Variants in SMG6 observed in about 807,000 individuals in gnomAD.
The protein encoded by SMG6 is SMG6 nonsense mediated mRNA decay factor.
A neutral mutation model predicts 142.2 loss-of-function variants in SMG6; 66 were observed. That is an observed-to-expected ratio of 0.46 (90% CI 0.38 to 0.57). The LOEUF is 0.57. SMG6 is among the 20% of genes least tolerant of loss of function. SMG6 has a pLI of 0.00. For synonymous variants in SMG6, 779 were observed against 702.4 expected, an observed-to-expected ratio of 1.11 and a Z score of -1.72; for missense variants, 1,793 against 1,832.0, an observed-to-expected ratio of 0.98 and a Z score of 0.39.
Position 2,186,644 on chromosome 17 carries a change from A to G in SMG6, c.3155+19T>C. The G allele has an allele frequency of 6.2e-7, 1 of 1,613,740 alleles. No homozygotes were observed. Among genetic ancestry groups the G allele is most frequent in the East Asian group, 2.2e-5 (1 of 44,874 alleles). Reference sequence around the variant, plus strand: ...AGGCCCAAGCCAGTGGTGCTGAAGCAATGGGCAGGTCAACTCACTGCGAGG... The same window carrying G: ...AGGCCCAAGCCAGTGGTGCTGAAGCGATGGGCAGGTCAACTCACTGCGAGG... On this transcript the variant is annotated intron_variant, in intron 12 of 18. Coordinates refer to ENST00000263073, the MANE Select transcript of SMG6 (RefSeq NM_017575.5).
At chr17:2,123,180 G>A (rs1262250016) in intron 13 of SMG6, among the ~76,000 whole-genome samples, 2 of 152,248 alleles carry the variant, frequency 1.3e-5, no homozygotes, top group East Asian at 3.8e-4. Context: ...GGCTTCCCCA[G>A]GCCTGGGTGG....
intron 9 of SMG6, among the ~76,000 whole-genome samples, chr17:2,239,286 G>C (rs1272471560): frequency 6.6e-6 from 1 of 152,072 alleles, no homozygotes; most frequent in Non-Finnish European, 1.5e-5. Context: ...ACTTTTATAA[G>C]GATTTCTGGA....
chr17:2,131,735 G>A (rs888568142), intron 13 of SMG6, among the ~76,000 whole-genome samples: 3 of 152,146 alleles, frequency 2.0e-5, no homozygotes, highest in African/African-American at 7.2e-5. Context: ...GCACATAGCT[G>A]ACAAAGATTC....
chr17:2,192,298 G>C (rs1310322058), intron 10 of SMG6, among the ~76,000 whole-genome samples: 3 of 152,246 alleles, frequency 2.0e-5, no homozygotes, highest in Non-Finnish European at 4.4e-5. Flanking sequence ...GATGGAGTTT[G>C]GTTGGTCACA....
intron 13 of SMG6, among the ~76,000 whole-genome samples, chr17:2,099,130 G>C (rs943535132): frequency 6.6e-6 from 1 of 152,108 alleles, no homozygotes; most frequent in African/African-American, 2.4e-5. Flanking sequence ...ATGAGTGATC[G>C]TGGGGGTCAG....
chr17:2,265,916 G>A, intron 8 of SMG6: 1 of 876,370 alleles, frequency 1.1e-6, no homozygotes, highest in Non-Finnish European at 1.4e-6. Context: ...ATGAACTTCA[G>A]AACTTAGCCT....
At position 2,076,202 on chromosome 17, in the gene SMG6, G is replaced by A. The variant is rs113023018; in HGVS notation, c.3681+5608C>T. Among the ~76,000 whole-genome samples, 449 of 152,182 alleles carry A rather than the reference G, an allele frequency of 3.0e-3. 3 individuals are homozygous for A. The highest frequency in any genetic ancestry group is 0.01 in the African/African-American group (420 of 41,508). ...CTGTTTTGCCACATCTGTGAGAGGC[G>A]CTGGGAACGGGGACTTGCCTTACAC... On this transcript the variant is annotated intron_variant, in intron 15 of 18. Transcript: ENST00000263073.
chr17:2,238,525 T>C (rs2073723949), intron 9 of SMG6, among the ~76,000 whole-genome samples: 1 of 151,968 alleles, frequency 6.6e-6, no homozygotes, highest in Non-Finnish European at 1.5e-5. Flanking sequence ...TGGTCAGAGG[T>C]GGGGAGGGGG....
intron 10 of SMG6, chr17:2,229,597 G>A (rs535955330): frequency 6.6e-6 from 1 of 152,294 alleles, no homozygotes; most frequent in East Asian, 1.9e-4. Context: ...GCTGACAAGA[G>A]AATCAAAGGA....
chr17:2,081,667 T>G (rs1465040805), intron 15 of SMG6, 143 bp downstream of exon 15: 9 of 998,216 alleles, frequency 9.0e-6, no homozygotes, highest in Non-Finnish European at 1.3e-5. Context: ...AGTGGTAGAG[T>G]GAAAAACGGG....
intron 13 of SMG6, among the ~76,000 whole-genome samples, chr17:2,120,689 C>G (rs916103848): frequency 6.6e-6 from 1 of 152,148 alleles, no homozygotes; most frequent in African/African-American, 2.4e-5. Flanking sequence ...TGCCACTGCT[C>G]TTTGGCTTGG....
intron 13 of SMG6, chr17:2,127,413 A>G: frequency 1.3e-6 from 1 of 780,232 alleles, no homozygotes; most frequent in Non-Finnish European, 2.2e-6. Context: ...CCCTCTTTAA[A>G]TAGACACTTT....
At chr17:2,120,465 C>T (rs141955985) in intron 13 of SMG6, among the ~76,000 whole-genome samples, 9 of 152,324 alleles carry the variant, frequency 5.9e-5, no homozygotes, top group East Asian at 1.9e-4. Context: ...TGGGGGCTCA[C>T]GCCTAGCACT....
chr17:2,256,656 T>C (rs994964367), intron 8 of SMG6, among the ~76,000 whole-genome samples: 3 of 152,148 alleles, frequency 2.0e-5, no homozygotes, highest in Non-Finnish European at 4.4e-5. Context: ...ACACCTGTAG[T>C]TCTAGCTACT....
chr17:2,226,131 T>C (rs1234976890), intron 10 of SMG6, among the ~76,000 whole-genome samples: 2 of 151,550 alleles, frequency 1.3e-5, no homozygotes, highest in Non-Finnish European at 2.9e-5. Context: ...CAAAATTAGC[T>C]GGGTGTGGTG....
intron 15 of SMG6, among the ~76,000 whole-genome samples, chr17:2,070,320 A>G (rs928323057): frequency 2.0e-5 from 3 of 152,200 alleles, no homozygotes; most frequent in Non-Finnish European, 4.4e-5. Context: ...ATCTGCTGGC[A>G]TCTGCCCAGA....
At chr17:2,294,520 C>T (rs1459522830) in intron 4 of SMG6, among the ~76,000 whole-genome samples, 1 of 152,212 alleles carries the variant, frequency 6.6e-6, no homozygotes, top group Non-Finnish European at 1.5e-5. Flanking sequence ...TCCCCTAACA[C>T]ACCACGGTGT....
chr17:2,220,519 A>G (rs1479225679), intron 10 of SMG6, among the ~76,000 whole-genome samples: 1 of 152,132 alleles, frequency 6.6e-6, no homozygotes, highest in Non-Finnish European at 1.5e-5. Context: ...AGTCCCAGCT[A>G]CTTGGGAGGC....
At chr17:2,282,494 C>G (rs144547262) in intron 8 of SMG6, among the ~76,000 whole-genome samples, 153 bp downstream of exon 8, 102 of 151,658 alleles carry the variant, frequency 6.7e-4, no homozygotes, top group African/African-American at 2.3e-3. Flanking sequence ...ATAAAGGAAG[C>G]GTACATGAGA....
Sources: allele counts gnomAD v4.1 joint callset (sites outside exome capture counted in the v4.1 genomes callset), GRCh38; gene constraint gnomAD v4.1.1; transcripts MANE v1.5; gene names NCBI Gene and HGNC (gene_info 2026-07-23, HGNC 2026-07-21).